The following BTD variants were observed in gnomAD, a reference collection of about 807,000 sequenced individuals.
BTD encodes biotinidase.
BTD carries 13 observed loss-of-function variants against 17.7 expected under a neutral mutation model. That is an observed-to-expected ratio of 0.74 (90% CI 0.48 to 1.17). The LOEUF (loss-of-function observed/expected upper bound fraction) is 1.17, where lower values mean the gene tolerates loss of function less well. Among genes scored for constraint, BTD ranks in the 50% most tolerant of loss-of-function variants. BTD has a pLI of 0.00. For missense variants in BTD, 674 were observed against 650.4 expected (o/e 1.04, Z -0.39); for synonymous variants, 240 against 245.2 (o/e 0.98, Z 0.20).
chr3:15,689,646 A>G (rs1329789237), intron 3 of BTD, among the ~76,000 whole-genome samples: 1 of 152,256 alleles, frequency 6.6e-6, no homozygotes, highest in African/African-American at 2.4e-5. Context: ...AGCCAGGCAC[A>G]AAGTTAGTTT....
Position 15,610,944 on chromosome 3 carries a change from T to C in BTD, c.-17+9050T>C, listed in dbSNP as rs115731083. On this transcript the variant is annotated intron_variant, in intron 1 of 3. Transcript: ENST00000643237. Reference sequence around the variant, plus strand: ...TTACTTGATCCCTCATGGGTAATGTTGTCAGATTTAGAAAAAAAAAAAAAA... The same window carrying C: ...TTACTTGATCCCTCATGGGTAATGTCGTCAGATTTAGAAAAAAAAAAAAAA... Among the ~76,000 whole-genome samples the C allele has an allele frequency of 6.4e-3, 970 of 150,642 alleles. 7 individuals carry two copies. Among genetic ancestry groups the C allele is most frequent in the African/African-American group, 0.023 (920 of 40,844 alleles).
At chr3:15,681,885 G>C (rs2067582261) in intron 3 of BTD, among the ~76,000 whole-genome samples, 1 of 152,160 alleles carries the variant, frequency 6.6e-6, no homozygotes, top group South Asian at 2.1e-4. Context: ...ATGCACTGGA[G>C]AGTCCCTTGC....
Position 15,650,054 on chromosome 3 carries a change from C to A in BTD, c.*4566C>A, listed in dbSNP as rs2065776795. Among the ~76,000 whole-genome samples, 1 of 152,236 alleles carries A rather than the reference C, an allele frequency of 6.6e-6. No individual in the cohort carries two copies. Among genetic ancestry groups the A allele is most frequent in the Admixed American group, 6.5e-5 (1 of 15,280 alleles). ...TCTTTATCGTGACTCCACGGAGACC[C>A]ACCCTCTAAGACCAGAGCCAGTGTC... On this transcript the variant is annotated 3_prime_UTR_variant, in exon 4 of 4. Coordinates refer to ENST00000643237, the MANE Select transcript of BTD (RefSeq NM_001370658.1).
chr3:15,606,042 CAAA>C (rs11369757), intron 1 of BTD, among the ~76,000 whole-genome samples: 6 of 64,952 alleles, frequency 9.2e-5, no homozygotes, highest in African/African-American at 3.1e-4. Flanking sequence ...GACCCTGTCT[CAAA>C]AAAAAAAAAA....
At position 15,650,693 on chromosome 3, in the gene BTD, G is replaced by C. The variant is rs180743866; in HGVS notation, c.*5205G>C. On this transcript the variant is annotated 3_prime_UTR_variant, in exon 4 of 4. Coordinates refer to ENST00000643237, the MANE Select transcript of BTD (RefSeq NM_001370658.1). Reference sequence around the variant, plus strand: ...TCTTTTTACACAGTCCCTAATTAAAGTCTCAGAGATGAACAACCTGGGCTC... The same window carrying C: ...TCTTTTTACACAGTCCCTAATTAAACTCTCAGAGATGAACAACCTGGGCTC... Among the ~76,000 whole-genome samples the C allele has an allele frequency of 2.5e-3, 380 of 152,302 alleles. 1 individual carries two copies. The highest frequency in any genetic ancestry group is 8.6e-3 in the African/African-American group (357 of 41,568).
At position 15,640,967 on chromosome 3, in the gene BTD, A is replaced by G. The variant is rs1396526146; in HGVS notation, c.250-941A>G. Among the ~76,000 whole-genome samples, 4 of 152,224 alleles carry G rather than the reference A, an allele frequency of 2.6e-5. 1 individual carries two copies. The highest frequency in any genetic ancestry group is 9.6e-5 in the African/African-American group (4 of 41,462). ...AGTGTCTCAAACTTTGCTAATTTGA[A>G]TTGTTCATGCCTTCTCTGCCTGCCT... On this transcript the variant is annotated intron_variant, in intron 2 of 3. Transcript: ENST00000643237.
chr3:15,621,310 T>C (rs1012364824), intron 1 of BTD, among the ~76,000 whole-genome samples: 11 of 152,216 alleles, frequency 7.2e-5, no homozygotes, highest in African/African-American at 2.7e-4. Flanking sequence ...TCTTTTCTTG[T>C]AATGTCTTTG....
At chr3:15,677,290 A>G (rs1395637946) in intron 3 of BTD, among the ~76,000 whole-genome samples, 4 of 152,174 alleles carry the variant, frequency 2.6e-5, no homozygotes, top group African/African-American at 9.7e-5. Context: ...TTGTGTTCCA[A>G]AACTTATTTG....
chr3:15,611,361 A>C (rs1416908294), intron 1 of BTD, among the ~76,000 whole-genome samples: 1 of 152,204 alleles, frequency 6.6e-6, no homozygotes, highest in Non-Finnish European at 1.5e-5. Context: ...AGTTAGGCCC[A>C]GAAAGAGAGG....
rs977809286 is a variant in BTD, at chr3:15,653,344, C to CAAGT, written c.*7857_*7860dup. On this transcript the variant is annotated 3_prime_UTR_variant, in exon 4 of 4. Coordinates refer to ENST00000643237, the MANE Select transcript of BTD (RefSeq NM_001370658.1). ...CATCACCTCAGTCCTCTGAAACAGGCAAGTGTGTCCATTTTACAGAAGAAG... is the reference window on the plus strand; with the variant it reads ...CATCACCTCAGTCCTCTGAAACAGGCAAGTAAGTGTGTCCATTTTACAGAAGAAG... Among the ~76,000 whole-genome samples, 8 of 152,246 alleles carry CAAGT rather than the reference C, an allele frequency of 5.3e-5. No individual in the cohort carries two copies.
In BTD at chr3:15,630,010, C is replaced by T. The variant is rs575130544; in HGVS notation, c.-16-5414C>T. 7.1e-6 allele frequency: 7 copies of T among 984,780 alleles called. No individual in the cohort carries two copies. The African/African-American group carries it at 1.0e-4, about 15-fold the overall frequency. The allele number at this position is 984,780 out of a possible 1,614,324, so 61.0% of individuals were successfully genotyped here. A position where few individuals can be genotyped will look rare whatever the true frequency, so the allele number is the denominator to read the frequency against. On this transcript the variant is annotated intron_variant, in intron 1 of 3. Transcript: ENST00000643237. ...TAGATCCCTTAATTCAGACAGATTTCCCCACGCAGACGCTGTGTGTCACAG... is the reference window on the plus strand; with the variant it reads ...TAGATCCCTTAATTCAGACAGATTTTCCCACGCAGACGCTGTGTGTCACAG...
rs2064249531 is a variant in BTD, at chr3:15,601,756, G to A, written c.-155G>A. ...GAGGCGGGACTAGCAGGAGATTGCT[G>A]CCTATGCAAAGCAGGTAAGAAGCCG... On this transcript the variant is annotated 5_prime_UTR_variant, in exon 1 of 4. Transcript: ENST00000643237. 1 of 1,600,540 alleles carries A rather than the reference G, an allele frequency of 6.2e-7. No individual in the cohort carries two copies. The highest frequency in any genetic ancestry group is 1.7e-5 in the Admixed American group (1 of 57,240).
intron 3 of BTD, among the ~76,000 whole-genome samples, chr3:15,701,998 C>T (rs2070699653): frequency 1.3e-5 from 2 of 152,144 alleles, no homozygotes; most frequent in Non-Finnish European, 2.9e-5. Flanking sequence ...AATGGGTCTT[C>T]CTTACTGAGA....
chr3:15,601,617 G>A (rs1281171459), upstream of BTD: 3 of 1,562,534 alleles, frequency 1.9e-6, no homozygotes, highest in Non-Finnish European at 2.6e-6. Flanking sequence ...GAAGGAAGAG[G>A]CGGTCTAAAT....
chr3:15,644,649 C>CATGG lies in BTD; in HGVS notation c.736_737insGATG (p.Val246GlyfsTer19). ...AGTCCTCAGAGACTACAAGGTGAAG[C>CATGG]ATGTTGTGTACCCAACTGCCTGGAT... On this transcript the variant is annotated frameshift_variant, in exon 4 of 4. Coordinates refer to ENST00000643237, the MANE Select transcript of BTD (RefSeq NM_001370658.1). LOFTEE classifies it low-confidence loss of function (END_TRUNC). 6.2e-7 allele frequency: 1 copy of CATGG among 1,614,200 alleles called. No individual in the cohort carries two copies. The highest frequency in any genetic ancestry group is 1.3e-5 in the African/African-American group (1 of 75,044).
intron 3 of BTD, chr3:15,670,233 G>T: frequency 1.9e-6 from 3 of 1,598,064 alleles, no homozygotes; most frequent in Non-Finnish European, 2.6e-6. Flanking sequence ...AGCACAGTTT[G>T]AAGCTTTACT....
intron 3 of BTD, chr3:15,689,933 A>C (rs561440659): frequency 7.8e-7 from 1 of 1,274,046 alleles, no homozygotes; most frequent in South Asian, 1.6e-5. Context: ...TTTTAAAGAC[A>C]ATTAACTGGA....
intron 3 of BTD, among the ~76,000 whole-genome samples, chr3:15,699,280 T>TA (rs1292500321): frequency 6.6e-6 from 1 of 151,986 alleles, no homozygotes; most frequent in African/African-American, 2.4e-5. Flanking sequence ...CCTAAAACCA[T>TA]AAAAAACCCT....
chr3:15,650,871 G>C lies in BTD; in HGVS notation c.*5383G>C, dbSNP rs543506095. ...TGCAAGCTCTGCCTCCCGAGTTCAA[G>C]CGATTCTCCTGCCTCAGCCTTCCGA... On this transcript the variant is annotated 3_prime_UTR_variant, in exon 4 of 4. Coordinates refer to ENST00000643237, the MANE Select transcript of BTD (RefSeq NM_001370658.1). Among the ~76,000 whole-genome samples, 1 of 152,320 alleles carries C rather than the reference G, an allele frequency of 6.6e-6. No homozygotes were observed. The highest frequency in any genetic ancestry group is 6.5e-5 in the Admixed American group (1 of 15,298).
Sources: gnomAD v4.1 joint callset for allele counts (sites outside exome capture counted in the v4.1 genomes callset) on GRCh38, gnomAD v4.1.1 for gene constraint, MANE v1.5 for transcripts, NCBI Gene and HGNC (gene_info 2026-07-23, HGNC 2026-07-21) for gene names.